The following PCNX2 variants were observed in gnomAD, a reference collection of about 807,000 sequenced individuals.
The protein encoded by PCNX2 is pecanex-like protein 2.
PCNX2 carries 168 observed loss-of-function variants against 223.8 expected under a neutral mutation model. The ratio of observed to expected loss-of-function variants is 0.75; its 90% CI spans 0.66 to 0.85. PCNX2 has a LOEUF of 0.85. Ranked by LOEUF, PCNX2 falls within the 40% of genes least tolerant of loss-of-function variation. The pLI is 0.00. For synonymous variants in PCNX2, 1,006 were observed against 1,052.6 expected, an observed-to-expected ratio of 0.96 and a Z score of 0.86; for missense variants, 2,507 against 2,675.5, an observed-to-expected ratio of 0.94 and a Z score of 1.39.
At chr1:233,051,982 C>G (rs561473195) in intron 25 of PCNX2, among the ~76,000 whole-genome samples, 2 of 152,224 alleles carry the variant, frequency 1.3e-5, no homozygotes, top group South Asian at 4.1e-4. Flanking sequence ...CACTTATTTC[C>G]ACCATCTCTC....
intron 1 of PCNX2, among the ~76,000 whole-genome samples, chr1:233,273,693 G>A (rs1474860435): frequency 1.3e-5 from 2 of 150,604 alleles, no homozygotes; most frequent in African/African-American, 2.5e-5. Flanking sequence ...GCACAATCTC[G>A]GCTCACTACA....
intron 10 of PCNX2, among the ~76,000 whole-genome samples, chr1:233,226,989 AAT>A (rs1461987409): frequency 5.9e-5 from 9 of 152,182 alleles, no homozygotes; most frequent in Admixed American, 5.9e-4. Context: ...TCTTATTATT[AAT>A]ATGTTAATTT....
rs971927639 is a variant in PCNX2, at chr1:233,047,300, T to C, written c.4351+6968A>G. 6.1e-5 allele frequency: 50 copies of C among 820,080 alleles called. No homozygotes were observed. In the African/African-American group the frequency reaches 8.2e-4, roughly 13 times the overall value. The allele number at this position is 820,080 out of a possible 1,614,324, so 50.8% of individuals were successfully genotyped here. A position where few individuals can be genotyped will look rare whatever the true frequency, so the allele number is the denominator to read the frequency against. ...ATCTAAGATGAGACCAGAACATTTATTGTGCTAGATTAAGAAGCGCTGCTT... is the reference window on the plus strand; with the variant it reads ...ATCTAAGATGAGACCAGAACATTTACTGTGCTAGATTAAGAAGCGCTGCTT... On this transcript the variant is annotated intron_variant, in intron 25 of 33. Coordinates refer to ENST00000258229, the MANE Select transcript of PCNX2 (RefSeq NM_014801.4).
chr1:233,297,447 T>C (rs1169605858), upstream of PCNX2, among the ~76,000 whole-genome samples: 1 of 152,190 alleles, frequency 6.6e-6, no homozygotes, highest in South Asian at 2.1e-4. Context: ...TATCCAGATA[T>C]ATGGAAGCAC....
At chr1:233,074,023 T>A (rs1432359873) in intron 23 of PCNX2, among the ~76,000 whole-genome samples, 1 of 152,190 alleles carries the variant, frequency 6.6e-6, no homozygotes, top group South Asian at 2.1e-4. Flanking sequence ...TTTTCATTCA[T>A]CTTGAAGTAG....
At chr1:233,002,834 C>T (rs1670136762) in intron 28 of PCNX2, among the ~76,000 whole-genome samples, 1 of 152,050 alleles carries the variant, frequency 6.6e-6, no homozygotes, top group South Asian at 2.1e-4. Context: ...AGAACAGAGG[C>T]CTCAGAAATA....
At chr1:233,073,201 T>C (rs1321008024) in intron 23 of PCNX2, among the ~76,000 whole-genome samples, 7 of 152,214 alleles carry the variant, frequency 4.6e-5, no homozygotes, top group Non-Finnish European at 8.8e-5. Flanking sequence ...AATTCTCTTA[T>C]AGTTCCTTTT....
At position 233,005,445 on chromosome 1, in the gene PCNX2, G is replaced by A. The variant is rs3766490; in HGVS notation, c.4953-3764C>T. Among the ~76,000 whole-genome samples, 514 of 152,314 alleles carry A rather than the reference G, an allele frequency of 3.4e-3. 9 individuals carry two copies. The East Asian group carries it at 0.034, about 10-fold the overall frequency. On this transcript the variant is annotated intron_variant, in intron 28 of 33. Transcript: ENST00000258229. ...CCACAGGAGCCTCTCTAAGAGGCTT[G>A]AGTTCCATCAAAGGCCACCAACAAT...
upstream of PCNX2, among the ~76,000 whole-genome samples, chr1:233,297,564 A>G (rs1374296652): frequency 6.6e-6 from 1 of 152,194 alleles, no homozygotes; most frequent in Non-Finnish European, 1.5e-5. Context: ...CTCTCAAGGC[A>G]TGTAAGTGGG....
At chr1:233,023,273 T>C (rs995103383) in intron 26 of PCNX2, among the ~76,000 whole-genome samples, 9 of 152,212 alleles carry the variant, frequency 5.9e-5, no homozygotes, top group African/African-American at 2.2e-4. Flanking sequence ...GTTTTCTCCT[T>C]CTTCTGTGAA....
chr1:233,317,668 G>C, the PCNX2 span, among the ~76,000 whole-genome samples: 7 of 151,894 alleles, frequency 4.6e-5, no homozygotes, highest in African/African-American at 1.7e-4. Flanking sequence ...TAAATGAGGG[G>C]CGGGGGGAGA....
chr1:233,150,256 C>G (rs1282180379), intron 19 of PCNX2, among the ~76,000 whole-genome samples: 1 of 152,272 alleles, frequency 6.6e-6, no homozygotes, highest in African/African-American at 2.4e-5. Flanking sequence ...GGTGCTTCCC[C>G]ACAGTGGGTA....
Position 233,014,700 on chromosome 1 carries a change from T to G in PCNX2, c.4917A>C (p.Arg1639Ser). Residue 1639 changes from arginine (R) to serine (S), a missense_variant, in exon 28 of 34, where the codon AGA (arginine) becomes AGC (serine). Around this residue, in one of 3 missense-constraint regions of PCNX2, gnomAD observed 1,372 missense variants for 1,509.4 expected, o/e 0.91. Coordinates refer to ENST00000258229, the MANE Select transcript of PCNX2 (RefSeq NM_014801.4). ...TATTGTGAGCGGCTGTTCCCAGAGC[T>G]CTCCTCCCCAGGGTGCACAGGGCGA... is the stretch of plus-strand genomic sequence containing the variant. ...LSFALCTLGR[R>S]ALGTAAHNMA... 6.2e-7 allele frequency: 1 copy of G among 1,613,726 alleles called. No individual in the cohort carries two copies. Among genetic ancestry groups the G allele is most frequent in the Non-Finnish European group, 8.5e-7 (1 of 1,179,834 alleles).
the PCNX2 span, among the ~76,000 whole-genome samples, chr1:233,304,498 G>A: frequency 6.6e-6 from 1 of 152,134 alleles, no homozygotes; most frequent in East Asian, 1.9e-4. Context: ...GTTTACCCAA[G>A]AGTAAGCATA....
At chr1:233,289,499 ATGCC>A (rs1208047883) in intron 1 of PCNX2, 1 of 787,646 alleles carries the variant, frequency 1.3e-6, no homozygotes, top group Non-Finnish European at 2.2e-6. Context: ...GAGCAGAAGG[ATGCC>A]TTTTAAGCAA....
chr1:233,295,998 C>CTTTTTTTT (rs201102619), upstream of PCNX2, among the ~76,000 whole-genome samples: 116 of 96,896 alleles, frequency 1.2e-3, 3 homozygotes, highest in East Asian at 0.014. The surrounding 1 kb of genome is among the most constrained non-coding windows in gnomAD (Gnocchi z 4.1). Flanking sequence ...TTCTTTCTTT[C>CTTTTTTTT]TTTCTTTTTT....
chr1:233,231,380 A>G (rs1025516827), intron 9 of PCNX2, among the ~76,000 whole-genome samples: 2 of 152,202 alleles, frequency 1.3e-5, no homozygotes, highest in Non-Finnish European at 2.9e-5. Flanking sequence ...GTTACAAATA[A>G]AAAGTTATTT....
intron 1 of PCNX2, among the ~76,000 whole-genome samples, chr1:233,292,820 G>A (rs1409582835): frequency 5.9e-5 from 9 of 152,044 alleles, no homozygotes; most frequent in African/African-American, 9.7e-5. Flanking sequence ...TTTTAATAAC[G>A]CAGGCTATAT....
At chr1:233,087,080 C>A (rs1673643829) in intron 23 of PCNX2, 1 of 985,236 alleles carries the variant, frequency 1.0e-6, no homozygotes, top group Admixed American at 6.1e-5. Flanking sequence ...TCAGGACCGG[C>A]CAGTTCAGGG....
Sources: allele counts gnomAD v4.1 joint callset (sites outside exome capture counted in the v4.1 genomes callset), GRCh38; gene constraint gnomAD v4.1.1; regional missense constraint gnomAD v4.1.1; non-coding constraint Gnocchi (gnomAD v3.1); transcripts MANE v1.5; gene names NCBI Gene and HGNC (gene_info 2026-07-23, HGNC 2026-07-21).